The following MAPT variants were observed in gnomAD, a reference collection of about 807,000 sequenced individuals.
MAPT encodes the protein microtubule associated protein tau, also known as microtubule-associated protein tau.
MAPT carries 34 observed loss-of-function variants against 67.9 expected under a neutral mutation model. The ratio of observed to expected loss-of-function variants is 0.50; its 90% CI spans 0.38 to 0.67. MAPT has a LOEUF of 0.67. Among genes scored for constraint, MAPT ranks in the 30% least tolerant of loss-of-function variants. The pLI is 0.00. For missense variants in MAPT, 881 were observed against 1,115.2 expected (o/e 0.79, Z 2.99); for synonymous variants, 456 against 464.5 (o/e 0.98, Z 0.23).
intron 9 of MAPT, among the ~76,000 whole-genome samples, chr17:46,004,981 T>A (rs2075309631): frequency 1.3e-5 from 2 of 152,226 alleles, no homozygotes; most frequent in South Asian, 4.1e-4. Flanking sequence ...AGACGGGGTT[T>A]CACCGTGTTA....
chr17:45,943,943 T>G (rs2068225821), intron 1 of MAPT, among the ~76,000 whole-genome samples: 1 of 152,178 alleles, frequency 6.6e-6, no homozygotes, highest in Non-Finnish European at 1.5e-5. Context: ...CTCTTCCTGC[T>G]GTCACCCCAC....
chr17:45,974,520 G>T (rs1236983050), intron 3 of MAPT: 2 of 1,448,706 alleles, frequency 1.4e-6, no homozygotes, highest in Admixed American at 3.8e-5. Context: ...CCTGCTGGGT[G>T]CCCCAGCTGA....
At chr17:45,902,362 G>T (rs1427822383) in intron 1 of MAPT, among the ~76,000 whole-genome samples, 1 of 152,002 alleles carries the variant, frequency 6.6e-6, no homozygotes, top group African/African-American at 2.4e-5. Flanking sequence ...GAGCCACCGC[G>T]CCCGGCCAGC....
At chr17:46,003,889 A>G (rs957575446) in intron 9 of MAPT, among the ~76,000 whole-genome samples, 4 of 152,236 alleles carry the variant, frequency 2.6e-5, no homozygotes, top group African/African-American at 4.8e-5. Flanking sequence ...GCTTGGGTTC[A>G]TCACTGTTTA....
chr17:45,990,396 C>G (rs2073966380), intron 7 of MAPT: 1 of 458,816 alleles, frequency 2.2e-6, no homozygotes, highest in Admixed American at 3.0e-5. Context: ...GGTGGATCAC[C>G]TGAGATCAGG....
intron 1 of MAPT, among the ~76,000 whole-genome samples, chr17:45,956,980 C>T (rs1453602938): frequency 6.6e-6 from 1 of 151,924 alleles, no homozygotes; most frequent in Non-Finnish European, 1.5e-5. Context: ...GCCACATTTT[C>T]TTAATCCAGT....
intron 1 of MAPT, among the ~76,000 whole-genome samples, chr17:45,946,598 T>TAAAAAAA (rs763910082): frequency 2.5e-4 from 15 of 60,888 alleles, no homozygotes; most frequent in African/African-American, 1.1e-3. Flanking sequence ...GACTCTGTCT[T>TAAAAAAA]AAAAAAAAAA....
chr17:45,949,193 C>G (rs1217003135), intron 1 of MAPT, among the ~76,000 whole-genome samples: 3 of 152,258 alleles, frequency 2.0e-5, no homozygotes, highest in Non-Finnish European at 4.4e-5. Context: ...GCTGAGTCAC[C>G]GCGGGCGCCT....
chr17:45,951,694 C>A (rs778942470), intron 1 of MAPT, among the ~76,000 whole-genome samples: 2 of 152,116 alleles, frequency 1.3e-5, no homozygotes, highest in South Asian at 2.1e-4. Context: ...TCCCCCACCC[C>A]GCCCCCCGGG....
chr17:46,007,036 T>C (rs1185400960), intron 9 of MAPT, among the ~76,000 whole-genome samples: 1 of 151,366 alleles, frequency 6.6e-6, no homozygotes, highest in Non-Finnish European at 1.5e-5. Flanking sequence ...AAATGATAAA[T>C]GCTTGAGGTG....
chr17:46,025,116 G>A lies in MAPT; in HGVS notation c.*945G>A, dbSNP rs2076750326. The A allele has an allele frequency of 6.6e-6, 1 of 152,552 alleles. No individual in the cohort carries two copies. Among genetic ancestry groups the A allele is most frequent in the Non-Finnish European group, 1.5e-5 (1 of 68,236 alleles). 9.4% of individuals were successfully genotyped at this position (152,552 alleles called of 1,614,324 possible). A position where few individuals can be genotyped will look rare whatever the true frequency, so the allele number is the denominator to read the frequency against. On this transcript the variant is annotated 3_prime_UTR_variant, in exon 13 of 13. Coordinates refer to ENST00000262410, the MANE Select transcript of MAPT (RefSeq NM_001377265.1). ...AAACCCTGTTTTATTGAGTTCTGAA[G>A]GTTGGAACTGCTGCCATGATTTTGG...
chr17:45,932,014 C>A (rs925480635), intron 1 of MAPT: 4 of 151,458 alleles, frequency 2.6e-5, no homozygotes, highest in African/African-American at 9.7e-5. Flanking sequence ...CCCTGGGGGA[C>A]AGAGGTTGCA....
intron 9 of MAPT, among the ~76,000 whole-genome samples, chr17:46,007,954 AT>A (rs2075562355): frequency 6.6e-6 from 1 of 152,036 alleles, no homozygotes; most frequent in Non-Finnish European, 1.5e-5. Flanking sequence ...TGTTTGTATT[AT>A]TGAAGTACAA....
chr17:45,956,318 G>A (rs1041961688), intron 1 of MAPT, among the ~76,000 whole-genome samples: 1 of 152,106 alleles, frequency 6.6e-6, no homozygotes, highest in Admixed American at 6.5e-5. Context: ...GGGGGGCTTT[G>A]GGACTTGGTG....
At chr17:45,950,862 C>A (rs1598111999) in intron 1 of MAPT, among the ~76,000 whole-genome samples, 1 of 152,104 alleles carries the variant, frequency 6.6e-6, no homozygotes, top group East Asian at 1.9e-4. Flanking sequence ...GGGGTTTCAC[C>A]ATGTTGGCCA....
chr17:45,895,046 G>GGTGTGTGTGT (rs1404998774), intron 1 of MAPT: 2 of 134,254 alleles, frequency 1.5e-5, no homozygotes, highest in African/African-American at 6.4e-5. Context: ...TGCCGCAATG[G>GGTGTGTGTGT]GCGTGTGTGT....
intron 3 of MAPT, chr17:45,974,821 CT>C: frequency 2.9e-6 from 1 of 340,568 alleles, no homozygotes; most frequent in Non-Finnish European, 5.7e-6. Flanking sequence ...GTCCACCCTC[CT>C]GCTCAGACTG....
At chr17:46,023,766 G>C (rs2076674094) in intron 12 of MAPT, among the ~76,000 whole-genome samples, 190 bp from the exon 13 acceptor site, 1 of 152,200 alleles carries the variant, frequency 6.6e-6, no homozygotes, top group Non-Finnish European at 1.5e-5. Flanking sequence ...ACCTGAGCCT[G>C]GGAGGTCAAG....
chr17:45,941,708 T>TTCCC (rs1568208194), intron 1 of MAPT, among the ~76,000 whole-genome samples: 4 of 103,896 alleles, frequency 3.9e-5, no homozygotes, highest in Non-Finnish European at 5.6e-5. Context: ...CCTGCCTGCC[T>TTCCC]TCCTTCCTTC....
Sources: allele counts gnomAD v4.1 joint callset (sites outside exome capture counted in the v4.1 genomes callset), GRCh38; gene constraint gnomAD v4.1.1; transcripts MANE v1.5; gene names NCBI Gene and HGNC (gene_info 2026-07-23, HGNC 2026-07-21).